STXBP4: variants seen among roughly 807,000 people sequenced by gnomAD.
STXBP4 encodes syntaxin binding protein 4.
Under a neutral mutation model 76.1 loss-of-function variants are expected in STXBP4, and 55 were observed. That is an observed-to-expected ratio of 0.72 (90% CI 0.58 to 0.91). The LOEUF (loss-of-function observed/expected upper bound fraction) is 0.91. Ranked by LOEUF, STXBP4 falls within the 40% of genes least tolerant of loss-of-function variation. The pLI, the probability that STXBP4 is intolerant of heterozygous loss-of-function variation, is 0.00. For missense variants in STXBP4, 618 were observed against 636.9 expected (o/e 0.97, Z 0.32); for synonymous variants, 201 against 220.2 (o/e 0.91, Z 0.77).
chr17:55,081,231 A>G, intron 16 of STXBP4, 48 bp downstream of exon 16: 3 of 1,337,192 alleles, frequency 2.2e-6, no homozygotes, highest in Non-Finnish European at 2.9e-6. Context: ...TTATTTAACA[A>G]AACAAATTGA....
At chr17:55,141,509 C>T (rs1567779852) in intron 17 of STXBP4, 142 bp downstream of exon 17, 14 of 587,164 alleles carry the variant, frequency 2.4e-5, no homozygotes, top group Middle Eastern at 3.2e-4. Flanking sequence ...TCACCATTTT[C>T]GTTTCATGTG....
chr17:55,170,634 T>C lies in STXBP4; in HGVS notation c.*10723T>C, dbSNP rs1022283253. 2 of 152,240 alleles carry C rather than the reference T, an allele frequency of 1.3e-5. No homozygotes were observed. Among genetic ancestry groups the C allele is most frequent in the African/African-American group, 4.8e-5 (2 of 41,462 alleles). 9.4% of individuals were successfully genotyped at this position (152,240 alleles called of 1,614,324 possible). ...GATTATTTTGCTTTAGAATTCTATG[T>C]ATAATCCTGTGAAAATTTGTAGTGT... On this transcript the variant is annotated 3_prime_UTR_variant, in exon 18 of 18. Transcript: ENST00000376352.
chr17:54,992,512 A>G (rs1402454432), intron 4 of STXBP4, among the ~76,000 whole-genome samples: 1 of 151,912 alleles, frequency 6.6e-6, no homozygotes, highest in African/African-American at 2.4e-5. Context: ...CTAAATTTAA[A>G]CAAATTCAAA....
At chr17:55,183,149 A>C in the STXBP4 span, among the ~76,000 whole-genome samples, 23 of 152,332 alleles carry the variant, frequency 1.5e-4, no homozygotes, top group Admixed American at 1.2e-3. Context: ...CAAATATTCT[A>C]ATGTCCTTGC....
At chr17:54,974,099 G>T (rs2077436438) in intron 1 of STXBP4, among the ~76,000 whole-genome samples, 1 of 152,158 alleles carries the variant, frequency 6.6e-6, no homozygotes, top group Non-Finnish European at 1.5e-5. Context: ...TGGGACTTCA[G>T]TCTTAATATG....
chr17:55,176,596 A>T (rs1598364790), downstream of STXBP4, among the ~76,000 whole-genome samples: 2 of 152,186 alleles, frequency 1.3e-5, no homozygotes, highest in African/African-American at 4.8e-5. Context: ...GGCACAAAAG[A>T]TCTTAAGTAC....
intron 16 of STXBP4, among the ~76,000 whole-genome samples, chr17:55,117,411 G>A (rs1211188228): frequency 6.6e-6 from 1 of 151,688 alleles, no homozygotes; most frequent in Non-Finnish European, 1.5e-5. Flanking sequence ...GATGACCGAA[G>A]GTCTTAGGCA....
chr17:55,024,844 T>G (rs1413497953), intron 8 of STXBP4, among the ~76,000 whole-genome samples: 1 of 152,092 alleles, frequency 6.6e-6, no homozygotes. Flanking sequence ...CATGTTTTAG[T>G]AAGTTATAGA....
At chr17:55,125,941 C>G (rs144972761) in intron 16 of STXBP4, among the ~76,000 whole-genome samples, 24 of 152,258 alleles carry the variant, frequency 1.6e-4, no homozygotes, top group African/African-American at 5.5e-4. Flanking sequence ...CATATAAACT[C>G]TGTCCAAGCT....
chr17:55,146,241 T>G (rs986225252), intron 17 of STXBP4, among the ~76,000 whole-genome samples: 3 of 152,222 alleles, frequency 2.0e-5, no homozygotes, highest in Admixed American at 6.5e-5. Flanking sequence ...TTATATTAAC[T>G]CTATATCTGC....
intron 4 of STXBP4, among the ~76,000 whole-genome samples, chr17:54,993,167 A>G (rs1415536803): frequency 6.6e-6 from 1 of 152,208 alleles, no homozygotes; most frequent in Non-Finnish European, 1.5e-5. Flanking sequence ...TATGATATCT[A>G]CTTTTTCTTG....
At chr17:55,037,221 C>G (rs2144711859) in intron 10 of STXBP4, among the ~76,000 whole-genome samples, 2 of 152,196 alleles carry the variant, frequency 1.3e-5, no homozygotes, top group African/African-American at 4.8e-5. Context: ...TATTAATCTA[C>G]CTAATGTTGA....
Position 55,123,764 on chromosome 17 carries a change from G to A in STXBP4, c.1490-17546G>A, listed in dbSNP as rs559813607. 1.6e-4 allele frequency among the ~76,000 whole-genome samples: 24 copies of A among 152,092 alleles called. 1 individual carries two copies. Among genetic ancestry groups the A allele is most frequent in the African/African-American group, 5.8e-4 (24 of 41,488 alleles). On this transcript the variant is annotated intron_variant, in intron 16 of 17. Coordinates refer to ENST00000376352, the MANE Select transcript of STXBP4 (RefSeq NM_178509.6). ...AAATACAAAAAATTAGCCAAGCATGGTGGCCCGCGCCTATAGTCCCAGCTA... is the reference window on the plus strand; with the variant it reads ...AAATACAAAAAATTAGCCAAGCATGATGGCCCGCGCCTATAGTCCCAGCTA...
chr17:55,029,016 T>G (rs1207499837), intron 8 of STXBP4, among the ~76,000 whole-genome samples: 1 of 151,688 alleles, frequency 6.6e-6, no homozygotes. Context: ...TTTCACACAT[T>G]TTTACAAAGA....
chr17:55,005,311 G>A (rs1397530963), intron 7 of STXBP4, among the ~76,000 whole-genome samples: 1 of 152,126 alleles, frequency 6.6e-6, no homozygotes, highest in African/African-American at 2.4e-5. Flanking sequence ...CAAGAGATTA[G>A]ACTCGTGACA....
intron 12 of STXBP4, among the ~76,000 whole-genome samples, chr17:55,069,791 TTAA>T (rs1723319840): frequency 6.6e-6 from 1 of 152,186 alleles, no homozygotes; most frequent in South Asian, 2.1e-4. Context: ...GAGTCTTCAT[TTAA>T]TTAACTAGCA....
the STXBP4 span, among the ~76,000 whole-genome samples, chr17:55,202,310 G>T: frequency 6.6e-6 from 1 of 151,938 alleles, no homozygotes; most frequent in Non-Finnish European, 1.5e-5. Flanking sequence ...TTACATGCTT[G>T]AGAGTCCAAG....
intron 16 of STXBP4, among the ~76,000 whole-genome samples, chr17:55,108,995 A>T (rs1438353370): frequency 6.6e-6 from 1 of 152,218 alleles, no homozygotes; most frequent in East Asian, 1.9e-4. Flanking sequence ...GTTGACAAAA[A>T]TACATCCCCC....
At chr17:55,052,555 A>T (rs1431901556) in intron 12 of STXBP4, among the ~76,000 whole-genome samples, 1 of 152,194 alleles carries the variant, frequency 6.6e-6, no homozygotes, top group African/African-American at 2.4e-5. Flanking sequence ...GGCACAAATC[A>T]TTCAATGCTA....
Sources: gnomAD v4.1 joint callset for allele counts (sites outside exome capture counted in the v4.1 genomes callset) on GRCh38, gnomAD v4.1.1 for gene constraint, MANE v1.5 for transcripts, NCBI Gene and HGNC (gene_info 2026-07-23, HGNC 2026-07-21) for gene names.